Variants in PCDH15 observed in about 807,000 individuals in gnomAD.
The protein encoded by PCDH15 is protocadherin related 15.
PCDH15 carries 129 observed loss-of-function variants against 178.5 expected under a neutral mutation model. That is an observed-to-expected ratio of 0.72 (90% CI 0.63 to 0.84). PCDH15 has a LOEUF of 0.84. Among genes scored for constraint, PCDH15 ranks in the 40% least tolerant of loss-of-function variants. PCDH15 has a pLI of 0.00. For synonymous variants in PCDH15, 800 were observed against 732.0 expected, an observed-to-expected ratio of 1.09 and a Z score of -1.50; for missense variants, 2,230 against 2,099.9, an observed-to-expected ratio of 1.06 and a Z score of -1.21.
chr10:55,293,146 C>G (rs1843049374), intron 1 of PCDH15, among the ~76,000 whole-genome samples: 1 of 152,182 alleles, frequency 6.6e-6, no homozygotes, highest in Non-Finnish European at 1.5e-5. Flanking sequence ...TGGCTCCATA[C>G]CACATGGGAG....
At chr10:54,087,909 T>G (rs2094540511) in intron 16 of PCDH15, among the ~76,000 whole-genome samples, 1 of 152,128 alleles carries the variant, frequency 6.6e-6, no homozygotes, top group African/African-American at 2.4e-5. Context: ...TGTTTAAAAG[T>G]GCGTGGCACT....
chr10:54,543,629 T>A (rs574519467), intron 2 of PCDH15, among the ~76,000 whole-genome samples: 1 of 152,218 alleles, frequency 6.6e-6, no homozygotes, highest in East Asian at 1.9e-4. Flanking sequence ...CTATGAAATT[T>A]GATCATATGA....
intron 11 of PCDH15, among the ~76,000 whole-genome samples, chr10:54,187,354 A>C (rs1310371285): frequency 6.6e-6 from 1 of 151,872 alleles, no homozygotes; most frequent in Non-Finnish European, 1.5e-5. Flanking sequence ...AAGTATTTCG[A>C]TAATGCAATA....
intron 2 of PCDH15, among the ~76,000 whole-genome samples, chr10:55,334,730 T>C (rs116386132): frequency 0.018 from 2,689 of 152,298 alleles, 90 homozygotes; most frequent in African/African-American, 0.061. Flanking sequence ...TTAAAAAGTC[T>C]GATATTCCAA....
intron 2 of PCDH15, among the ~76,000 whole-genome samples, chr10:54,948,339 T>A (rs1838243082): frequency 6.6e-6 from 1 of 152,008 alleles, no homozygotes; most frequent in Non-Finnish European, 1.5e-5. Flanking sequence ...CCTTAGTTTT[T>A]TTATTCTATT....
chr10:53,818,383 C>G (rs2076139721), intron 33 of PCDH15: 1 of 161,742 alleles, frequency 6.2e-6, no homozygotes, highest in Non-Finnish European at 1.3e-5. Context: ...ATATACTAAT[C>G]CTTAGGGGAA....
intron 8 of PCDH15, among the ~76,000 whole-genome samples, chr10:54,250,991 A>T (rs1291905381): frequency 1.3e-5 from 2 of 150,228 alleles, no homozygotes; most frequent in Non-Finnish European, 2.9e-5. Flanking sequence ...ATTTAGATTA[A>T]TTTTATTGGT....
At chr10:54,922,483 C>G (rs115021832) in intron 2 of PCDH15, among the ~76,000 whole-genome samples, 2 of 151,828 alleles carry the variant, frequency 1.3e-5, no homozygotes, top group Non-Finnish European at 2.9e-5. Context: ...AAAGGAGTTG[C>G]CTTGTCTCAG....
chr10:55,190,652 G>A (rs1255164441), intron 1 of PCDH15, among the ~76,000 whole-genome samples: 3 of 151,646 alleles, frequency 2.0e-5, no homozygotes, highest in Admixed American at 6.6e-5. Context: ...ATAAACAGAT[G>A]TTTAGAATAC....
chr10:54,217,088 T>A (rs1266049940), intron 9 of PCDH15, among the ~76,000 whole-genome samples: 1 of 152,052 alleles, frequency 6.6e-6, no homozygotes, highest in Non-Finnish European at 1.5e-5. Flanking sequence ...ACATAAAAAA[T>A]TGTTACTTAT....
intron 18 of PCDH15, among the ~76,000 whole-genome samples, chr10:54,051,003 G>A (rs1008293452): frequency 2.0e-5 from 3 of 152,158 alleles, no homozygotes; most frequent in Admixed American, 6.5e-5. Flanking sequence ...CTCTGCTCCT[G>A]CTATCATGTG....
At position 54,066,769 on chromosome 10, in the gene PCDH15, C is replaced by T. The variant is rs1590210875; in HGVS notation, c.2208G>A (p.Val736=). ...ATATTCCACTTACTTTTACTTGACC[C>T]ACAAAGGCATTGGCTTCTTCTTCCA... ...SVVEEEANAF[V]GQVKATDPDA... is the part of the protein sequence containing the mutation. The change falls in exon 18 of 38, where the codon GTG becomes GTA. Residue 736 remains valine (V), a synonymous_variant. Coordinates refer to ENST00000644397, the MANE Select transcript of PCDH15 (RefSeq NM_001384140.1). The T allele has an allele frequency of 1.2e-6, 2 of 1,613,278 alleles. No individual in the cohort carries two copies. The highest frequency in any genetic ancestry group is 4.5e-5 in the East Asian group (2 of 44,772).
Position 55,347,427 on chromosome 10 carries a change from T to C in PCDH15, c.-155-180776A>G, listed in dbSNP as rs190895137. The stretch of plus-strand genomic sequence containing the variant: ...TAACATTAAAGCCTCCTGAAACACA[T>C]AAATAAGTACAATAAAACTAATTAT... On this transcript the variant is annotated intron_variant, in intron 2 of 5. Transcript: ENST00000613346. 1.5e-4 allele frequency among the ~76,000 whole-genome samples: 23 copies of C among 152,170 alleles called. No homozygotes were observed. In the East Asian group the frequency reaches 2.5e-3, roughly 17 times the overall value.
chr10:55,448,604 A>G (rs543402094), intron 2 of PCDH15, among the ~76,000 whole-genome samples: 214 of 152,082 alleles, frequency 1.4e-3, no homozygotes, highest in African/African-American at 4.9e-3. Flanking sequence ...CAGACATCTG[A>G]ATGGTGAAAG....
intron 1 of PCDH15, among the ~76,000 whole-genome samples, chr10:55,236,555 C>G (rs1370882360): frequency 6.6e-6 from 1 of 151,876 alleles, no homozygotes; most frequent in South Asian, 2.1e-4. Flanking sequence ...AATAGAAATG[C>G]CCATATTGCT....
At chr10:54,605,782 T>C (rs867730191) in intron 2 of PCDH15, 1 of 152,158 alleles carries the variant, frequency 6.6e-6, no homozygotes, top group South Asian at 2.1e-4. Flanking sequence ...AACCACAGAC[T>C]TTTTCAAACT....
At chr10:54,181,544 C>T (rs2047987171) in intron 13 of PCDH15, among the ~76,000 whole-genome samples, 1 of 152,258 alleles carries the variant, frequency 6.6e-6, no homozygotes, top group East Asian at 1.9e-4. Flanking sequence ...TCTTCTCCCT[C>T]TCTCCCTCCA....
intron 28 of PCDH15, among the ~76,000 whole-genome samples, chr10:53,845,278 G>A (rs1400886063): frequency 6.6e-6 from 1 of 151,798 alleles, no homozygotes; most frequent in South Asian, 2.1e-4. Flanking sequence ...TTCTTGGGGG[G>A]AATGTAAAAT....
intron 1 of PCDH15, among the ~76,000 whole-genome samples, chr10:55,292,722 C>T (rs552624977): frequency 2.7e-4 from 41 of 152,328 alleles, no homozygotes; most frequent in African/African-American, 8.7e-4. Flanking sequence ...ATCTCTTTAA[C>T]TCCATGTTTC....
Sources: allele counts gnomAD v4.1 joint callset (sites outside exome capture counted in the v4.1 genomes callset), GRCh38; gene constraint gnomAD v4.1.1; transcripts MANE v1.5; gene names NCBI Gene and HGNC (gene_info 2026-07-23, HGNC 2026-07-21).